The following RFX3 variants were observed in gnomAD, a reference collection of about 807,000 sequenced individuals.
RFX3 encodes transcription factor RFX3.
RFX3 carries 14 observed loss-of-function variants against 98.6 expected under a neutral mutation model. The observed-to-expected ratio is 0.14, with a 90% CI of 0.09 to 0.22. RFX3 has a LOEUF of 0.22. RFX3 is among the 10% of genes least tolerant of loss of function. The pLI is 1.00. For missense variants in RFX3, 639 were observed against 926.9 expected (o/e 0.69, Z 4.03); for synonymous variants, 383 against 328.4 (o/e 1.17, Z -1.80).
At chr9:3,292,585 A>G (rs1168126535) in intron 6 of RFX3, among the ~76,000 whole-genome samples, 1 of 152,226 alleles carries the variant, frequency 6.6e-6, no homozygotes, top group African/African-American at 2.4e-5. Flanking sequence ...CAGAAATGAA[A>G]TGAAAAAACT....
chr9:3,426,433 C>T (rs1444607945), intron 1 of RFX3, among the ~76,000 whole-genome samples: 1 of 151,864 alleles, frequency 6.6e-6, no homozygotes, highest in Non-Finnish European at 1.5e-5. Context: ...AACAAGGGTC[C>T]CCAACCCCTC....
At chr9:3,229,070 T>C (rs1818142859) in intron 15 of RFX3, among the ~76,000 whole-genome samples, 181 bp from the exon 16 acceptor site, 1 of 152,246 alleles carries the variant, frequency 6.6e-6, no homozygotes, top group African/African-American at 2.4e-5. Context: ...TTGAACAGTT[T>C]AAATTATGTC....
At chr9:3,430,981 C>A (rs986964814) in intron 1 of RFX3, among the ~76,000 whole-genome samples, 3 of 152,110 alleles carry the variant, frequency 2.0e-5, no homozygotes, top group African/African-American at 7.2e-5. Flanking sequence ...AGAATGCACA[C>A]GGTACCATTT....
intron 7 of RFX3, among the ~76,000 whole-genome samples, chr9:3,287,600 C>T (rs1474577816): frequency 1.3e-5 from 2 of 151,888 alleles, no homozygotes; most frequent in Admixed American, 6.6e-5. Flanking sequence ...TCTATTCATC[C>T]GTCCATCCAT....
chr9:3,409,002 AAAAT>A (rs1842234136), intron 1 of RFX3, among the ~76,000 whole-genome samples: 1 of 152,242 alleles, frequency 6.6e-6, no homozygotes, highest in African/African-American at 2.4e-5. Flanking sequence ...TGTACTGAAT[AAAAT>A]AGTTTCAAAG....
chr9:3,321,384 T>G (rs1215241043), intron 4 of RFX3, among the ~76,000 whole-genome samples: 2 of 152,238 alleles, frequency 1.3e-5, no homozygotes, highest in Non-Finnish European at 2.9e-5. Flanking sequence ...TGTGCCAATT[T>G]AGATTCCCAT....
intron 1 of RFX3, among the ~76,000 whole-genome samples, chr9:3,445,346 T>G (rs1404849858): frequency 6.6e-6 from 1 of 152,162 alleles, no homozygotes; most frequent in African/African-American, 2.4e-5. Flanking sequence ...TTAGTGAATA[T>G]TTATCATAGG....
At chr9:3,472,958 C>A (rs1405833352) in intron 1 of RFX3, among the ~76,000 whole-genome samples, 1 of 152,088 alleles carries the variant, frequency 6.6e-6, no homozygotes, top group African/African-American at 2.4e-5. Flanking sequence ...CTATTCAGGC[C>A]CTTTCCTTTT....
At chr9:3,285,261 T>C (rs2131547123) in intron 7 of RFX3, among the ~76,000 whole-genome samples, 1 of 151,990 alleles carries the variant, frequency 6.6e-6, no homozygotes, top group Middle Eastern at 3.4e-3. Flanking sequence ...TCTTCTATTT[T>C]ATACTTTAAA....
chr9:3,448,624 T>C (rs1432746868), intron 1 of RFX3, among the ~76,000 whole-genome samples: 1 of 152,146 alleles, frequency 6.6e-6, no homozygotes. Flanking sequence ...TCTCAAGTAA[T>C]CCTCCCGCCT....
intron 7 of RFX3, among the ~76,000 whole-genome samples, chr9:3,280,197 T>C (rs193151914): frequency 5.9e-5 from 9 of 151,934 alleles, no homozygotes; most frequent in Admixed American, 4.6e-4. Flanking sequence ...CAGAAGCATA[T>C]GTTATGCCTC....
intron 1 of RFX3, among the ~76,000 whole-genome samples, chr9:3,517,813 C>A (rs532143908): frequency 7.9e-5 from 12 of 152,250 alleles, no homozygotes; most frequent in East Asian, 1.9e-4. Context: ...TCCAAGAGGA[C>A]AGTCAGATGA....
chr9:3,270,215 T>C (rs564535144), intron 11 of RFX3, among the ~76,000 whole-genome samples, 156 bp downstream of exon 11: 1 of 152,220 alleles, frequency 6.6e-6, no homozygotes, highest in South Asian at 2.1e-4. Context: ...AGTTTTGCTC[T>C]AGGCTGCTTT....
At chr9:3,460,326 T>C (rs1053611765) in intron 1 of RFX3, among the ~76,000 whole-genome samples, 1 of 152,062 alleles carries the variant, frequency 6.6e-6, no homozygotes. Flanking sequence ...AGATGCAAAT[T>C]AAATCAACAC....
chr9:3,512,020 GACT>G (rs1244087299), intron 1 of RFX3, among the ~76,000 whole-genome samples: 1 of 152,074 alleles, frequency 6.6e-6, no homozygotes, highest in African/African-American at 2.4e-5. Context: ...ACTCTTACGT[GACT>G]ACTATGCTTT....
At chr9:3,473,074 G>T (rs371430515) in intron 1 of RFX3, among the ~76,000 whole-genome samples, 37 of 152,238 alleles carry the variant, frequency 2.4e-4, no homozygotes, top group African/African-American at 8.4e-4. Flanking sequence ...CAACAGTTTC[G>T]ATTCAGCATG....
At chr9:3,433,734 T>C (rs1014921210) in intron 1 of RFX3, among the ~76,000 whole-genome samples, 1 of 152,180 alleles carries the variant, frequency 6.6e-6, no homozygotes, top group African/African-American at 2.4e-5. Flanking sequence ...ATCAAATAAG[T>C]AAAAATATCT....
At chr9:3,320,766 AGC>A (rs1831186621) in intron 4 of RFX3, among the ~76,000 whole-genome samples, 2 of 109,298 alleles carry the variant, frequency 1.8e-5, no homozygotes, top group South Asian at 2.9e-4. Context: ...CATGCTACAT[AGC>A]ATATATATAT....
intron 1 of RFX3, chr9:3,453,773 A>T (rs1031087011): frequency 1.3e-5 from 2 of 152,502 alleles, no homozygotes; most frequent in African/African-American, 4.8e-5. Context: ...ATTCAAGAAC[A>T]ATGACATAAA....
Sources: gnomAD v4.1 joint callset for allele counts (sites outside exome capture counted in the v4.1 genomes callset) on GRCh38, gnomAD v4.1.1 for gene constraint, MANE v1.5 for transcripts, NCBI Gene and HGNC (gene_info 2026-07-23, HGNC 2026-07-21) for gene names.